The following CADPS2 variants were observed in gnomAD, a reference collection of about 807,000 sequenced individuals.
The protein encoded by CADPS2 is calcium-dependent secretion activator 2.
Under a neutral mutation model 172.5 loss-of-function variants are expected in CADPS2, and 93 were observed. The ratio of observed to expected loss-of-function variants is 0.54; its 90% CI spans 0.46 to 0.64. CADPS2 has a LOEUF of 0.64. Ranked by LOEUF, CADPS2 falls within the 30% of genes least tolerant of loss-of-function variation. The pLI, the probability that CADPS2 is intolerant of heterozygous loss-of-function variation, is 0.00. For missense variants in CADPS2, 1,420 were observed against 1,565.9 expected (o/e 0.91, Z 1.57); for synonymous variants, 546 against 555.2 (o/e 0.98, Z 0.23).
chr7:122,407,080 T>G (rs2046741257), intron 20 of CADPS2, among the ~76,000 whole-genome samples: 1 of 152,174 alleles, frequency 6.6e-6, no homozygotes, highest in Non-Finnish European at 1.5e-5. Context: ...CACAGCAATA[T>G]CTCCCTATCA....
At chr7:122,659,322 A>AAAC (rs1554699225) in intron 3 of CADPS2, among the ~76,000 whole-genome samples, 2 of 151,686 alleles carry the variant, frequency 1.3e-5, no homozygotes, top group African/African-American at 4.8e-5. Flanking sequence ...AAAAAAAAAA[A>AAAC]AAAACACCGT....
At chr7:122,486,438 T>G (rs1278063096) in intron 11 of CADPS2, among the ~76,000 whole-genome samples, 18 of 152,092 alleles carry the variant, frequency 1.2e-4, no homozygotes, top group Admixed American at 1.2e-3. Flanking sequence ...GCAGATGTCA[T>G]GAAAATAGCA....
intron 1 of CADPS2, among the ~76,000 whole-genome samples, chr7:122,739,029 C>A (rs1166204632): frequency 6.6e-6 from 1 of 152,002 alleles, no homozygotes; most frequent in Non-Finnish European, 1.5e-5. Context: ...AAGCAGGTAC[C>A]TTTTGTATGG....
At chr7:122,552,601 G>A (rs1264469499) in intron 8 of CADPS2, among the ~76,000 whole-genome samples, 1 of 151,956 alleles carries the variant, frequency 6.6e-6, no homozygotes, top group Non-Finnish European at 1.5e-5. Context: ...CTAAACCAAG[G>A]AACTGCCAGG....
At chr7:122,730,403 T>C (rs1344027552) in intron 2 of CADPS2, among the ~76,000 whole-genome samples, 1 of 151,780 alleles carries the variant, frequency 6.6e-6, no homozygotes, top group Non-Finnish European at 1.5e-5. Context: ...ACCTAAACAG[T>C]GCTCATCACC....
At chr7:122,425,622 T>C (rs1192045163) in intron 17 of CADPS2, among the ~76,000 whole-genome samples, 1 of 151,494 alleles carries the variant, frequency 6.6e-6, no homozygotes, top group Non-Finnish European at 1.5e-5. Context: ...GACTGTTCTT[T>C]AGCCATGTCA....
At chr7:122,655,843 C>A (rs906156792) in intron 3 of CADPS2, among the ~76,000 whole-genome samples, 2 of 152,076 alleles carry the variant, frequency 1.3e-5, no homozygotes, top group Non-Finnish European at 2.9e-5. Flanking sequence ...CAAAAATAAT[C>A]CTCAAGCTTT....
At chr7:122,595,337 C>G (rs1587694021) in intron 6 of CADPS2, among the ~76,000 whole-genome samples, 1 of 152,048 alleles carries the variant, frequency 6.6e-6, no homozygotes, top group Non-Finnish European at 1.5e-5. Context: ...ACTTTCTTTA[C>G]AAGATATCTT....
intron 19 of CADPS2, among the ~76,000 whole-genome samples, chr7:122,409,086 A>G (rs1284123507): frequency 6.6e-6 from 1 of 152,196 alleles, no homozygotes; most frequent in African/African-American, 2.4e-5. Flanking sequence ...TGTTTTTTGC[A>G]TATATTACCT....
At chr7:122,568,638 T>C (rs1332958178) in intron 7 of CADPS2, among the ~76,000 whole-genome samples, 4 of 152,098 alleles carry the variant, frequency 2.6e-5, no homozygotes, top group Non-Finnish European at 5.9e-5. Context: ...TAGAACAACA[T>C]GTTCAAATAA....
At position 122,674,508 on chromosome 7, in the gene CADPS2, G is replaced by A. The variant is rs189596936; in HGVS notation, c.454-10939C>T. Among the ~76,000 whole-genome samples the A allele has an allele frequency of 1.5e-3, 233 of 152,284 alleles. 1 individual carries two copies. Among genetic ancestry groups the A allele is most frequent in the Non-Finnish European group, 9.1e-4 (62 of 68,028 alleles). On this transcript the variant is annotated intron_variant, in intron 2 of 29. Coordinates refer to ENST00000449022, the MANE Select transcript of CADPS2 (RefSeq NM_017954.11). ...CAGCTTATATACCAAAGAAGTCACT[G>A]AATATCTTAACAAAGTCGCGGTGAA...
chr7:122,626,323 G>A (rs2076087691), intron 4 of CADPS2, among the ~76,000 whole-genome samples: 1 of 152,056 alleles, frequency 6.6e-6, no homozygotes, highest in Non-Finnish European at 1.5e-5. Context: ...AAAGATGAAT[G>A]GACCACAGTG....
At chr7:122,819,375 C>T (rs993088550) in intron 1 of CADPS2, among the ~76,000 whole-genome samples, 5 of 152,194 alleles carry the variant, frequency 3.3e-5, no homozygotes, top group Admixed American at 2.6e-4. Context: ...CAGATCTTCT[C>T]GGCTTAGCGG....
intron 1 of CADPS2, among the ~76,000 whole-genome samples, chr7:122,754,559 G>A (rs529173952): frequency 6.6e-6 from 1 of 151,986 alleles, no homozygotes; most frequent in Non-Finnish European, 1.5e-5. Flanking sequence ...TCACTGCAAC[G>A]TCCGCCTCCC....
At chr7:122,523,040 G>T (rs1464627898) in intron 8 of CADPS2, among the ~76,000 whole-genome samples, 1 of 152,082 alleles carries the variant, frequency 6.6e-6, no homozygotes, top group African/African-American at 2.4e-5. Context: ...TGGAGGTACA[G>T]GTATCTCTTT....
intron 17 of CADPS2, among the ~76,000 whole-genome samples, chr7:122,436,545 G>A (rs1257554072): frequency 6.6e-6 from 1 of 151,966 alleles, no homozygotes; most frequent in East Asian, 1.9e-4. Context: ...AAAGTAGGGG[G>A]AGAGGGAGAT....
intron 7 of CADPS2, among the ~76,000 whole-genome samples, chr7:122,561,686 AT>A (rs965429123): frequency 3.8e-4 from 57 of 151,910 alleles, no homozygotes; most frequent in South Asian, 6.2e-4. Flanking sequence ...TCTTTAAGAC[AT>A]TTTTTTTCAC....
intron 2 of CADPS2, among the ~76,000 whole-genome samples, chr7:122,667,266 T>C (rs1352379588): frequency 6.6e-6 from 1 of 152,186 alleles, no homozygotes; most frequent in African/African-American, 2.4e-5. Flanking sequence ...TATGAATATC[T>C]TAGGAGGGAC....
chr7:122,615,181 T>C lies in CADPS2; in HGVS notation c.1223A>G (p.Gln408Arg). The change falls in exon 6 of 30, where the codon CAA (glutamine) becomes CGA (arginine). Residue 408 changes from glutamine (Q) to arginine (R), a missense_variant and splice_region_variant. Transcript: ENST00000449022. ...QTDQAEASRPQWGTQGDFTTT... is the reference protein window; with the variant it reads ...QTDQAEASRPRWGTQGDFTTT... ...AATACACTTTTTTCAACTGGCTTAC[T>C]GTGGCCTTGAGGCTTCGGCCTGGTC... 1 of 1,519,294 alleles carries C rather than the reference T, an allele frequency of 6.6e-7. No homozygotes were observed. The allele number at this position is 1,519,294 out of a possible 1,614,324, so 94.1% of individuals were successfully genotyped here.
Sources: gnomAD v4.1 joint callset for allele counts (sites outside exome capture counted in the v4.1 genomes callset) on GRCh38, gnomAD v4.1.1 for gene constraint, MANE v1.5 for transcripts, NCBI Gene and HGNC (gene_info 2026-07-23, HGNC 2026-07-21) for gene names.